Variants in ANKS1B observed in about 807,000 individuals in gnomAD.
The protein encoded by ANKS1B is ankyrin repeat and sterile alpha motif domain containing 1B.
ANKS1B carries 36 observed loss-of-function variants against 148.3 expected under a neutral mutation model. The ratio of observed to expected loss-of-function variants is 0.24; its 90% confidence interval spans 0.19 to 0.32. The LOEUF is 0.32. ANKS1B is among the 10% of genes least tolerant of loss of function. The pLI is 1.00. For missense variants in ANKS1B, 1,157 were observed against 1,542.6 expected (o/e 0.75, Z 4.19); for synonymous variants, 542 against 560.8 (o/e 0.97, Z 0.47).
At chr12:99,498,071 T>C (rs917504213) in intron 10 of ANKS1B, among the ~76,000 whole-genome samples, 1 of 152,212 alleles carries the variant, frequency 6.6e-6, no homozygotes, top group Non-Finnish European at 1.5e-5. Context: ...TACTCCTACA[T>C]GCTTCTCAGC....
At chr12:99,057,720 C>T (rs1401433361) in intron 16 of ANKS1B, among the ~76,000 whole-genome samples, 3 of 150,548 alleles carry the variant, frequency 2.0e-5, no homozygotes, top group Non-Finnish European at 4.5e-5. Flanking sequence ...CAATAGAATG[C>T]GTGAAGTGTC....
chr12:99,243,514 A>C (rs1354471316), intron 14 of ANKS1B, among the ~76,000 whole-genome samples: 1 of 152,248 alleles, frequency 6.6e-6, no homozygotes, highest in African/African-American at 2.4e-5. Flanking sequence ...TGACCCAGCC[A>C]TCCCATTACT....
chr12:99,055,768 A>C (rs1281538132), intron 16 of ANKS1B, among the ~76,000 whole-genome samples: 1 of 152,072 alleles, frequency 6.6e-6, no homozygotes, highest in Admixed American at 6.5e-5. Context: ...GGTTTCAAAT[A>C]AATTGGAACT....
At chr12:99,601,698 A>AGAT (rs1174739334) in intron 9 of ANKS1B, among the ~76,000 whole-genome samples, 1 of 152,122 alleles carries the variant, frequency 6.6e-6, no homozygotes, top group Admixed American at 6.6e-5. Flanking sequence ...TCAGAAATGA[A>AGAT]GATTCAGAGA....
At chr12:99,085,148 C>T in intron 15 of ANKS1B, 125 bp from the exon 16 acceptor site, 2 of 775,272 alleles carry the variant, frequency 2.6e-6, no homozygotes, top group Middle Eastern at 3.4e-4. Flanking sequence ...GACATAGAGT[C>T]ATTCTTCCGT....
intron 14 of ANKS1B, among the ~76,000 whole-genome samples, chr12:99,178,048 T>C (rs2078620933): frequency 6.6e-6 from 1 of 152,196 alleles, no homozygotes; most frequent in Non-Finnish European, 1.5e-5. Flanking sequence ...TGCAGTGTTT[T>C]TCTATTTTTC....
chr12:98,848,407 C>T (rs1567124851), intron 17 of ANKS1B, among the ~76,000 whole-genome samples: 1 of 151,900 alleles, frequency 6.6e-6, no homozygotes, highest in South Asian at 2.1e-4. Context: ...CATAGTGGGC[C>T]CTTGATATCC....
chr12:99,243,995 G>A (rs887644716), intron 14 of ANKS1B, among the ~76,000 whole-genome samples: 3 of 151,588 alleles, frequency 2.0e-5, no homozygotes, highest in African/African-American at 7.3e-5. Context: ...TTGTGCACAT[G>A]TACCCTAGCA....
chr12:99,010,265 T>G (rs986079295), intron 17 of ANKS1B, among the ~76,000 whole-genome samples: 1 of 152,216 alleles, frequency 6.6e-6, no homozygotes, highest in Non-Finnish European at 1.5e-5. Context: ...CTGTGCTTTT[T>G]TCTTCATTTA....
At chr12:98,793,380 A>T (rs2098910365) in intron 22 of ANKS1B, among the ~76,000 whole-genome samples, 1 of 152,204 alleles carries the variant, frequency 6.6e-6, no homozygotes, top group Admixed American at 6.5e-5. Flanking sequence ...TAAGACCTGA[A>T]ACCACTAGAA....
At position 99,361,189 on chromosome 12, in the gene ANKS1B, A is replaced by G. The variant is rs117003941; in HGVS notation, c.1756+38442T>C. ...TGGATACCTCATTCTTTATGATGTAATTATTTCCCATTGCATGACTGTATC... is the reference window on the plus strand; with the variant it reads ...TGGATACCTCATTCTTTATGATGTAGTTATTTCCCATTGCATGACTGTATC... On this transcript the variant is annotated intron_variant, in intron 12 of 26. Coordinates refer to ENST00000683438, the MANE Select transcript of ANKS1B (RefSeq NM_001352186.2). Among the ~76,000 whole-genome samples the G allele has an allele frequency of 4.7e-4, 72 of 152,220 alleles. No homozygotes were observed. The East Asian group carries it at 0.013, about 28-fold the overall frequency.
chr12:99,032,646 A>G (rs1009929981), intron 17 of ANKS1B, among the ~76,000 whole-genome samples: 2 of 152,206 alleles, frequency 1.3e-5, no homozygotes, highest in Admixed American at 6.5e-5. Context: ...GGTCACATTC[A>G]CAGGTTCTAC....
At chr12:98,990,952 C>T (rs1027730912) in intron 17 of ANKS1B, among the ~76,000 whole-genome samples, 1 of 152,138 alleles carries the variant, frequency 6.6e-6, no homozygotes, top group Non-Finnish European at 1.5e-5. Flanking sequence ...GTGAGGTATC[C>T]AGATCTGCAC....
chr12:99,347,455 G>A (rs1377492160), intron 12 of ANKS1B, among the ~76,000 whole-genome samples: 1 of 151,994 alleles, frequency 6.6e-6, no homozygotes, highest in Non-Finnish European at 1.5e-5. Flanking sequence ...GTGAAAGCAG[G>A]AAATGAAGTT....
intron 9 of ANKS1B, among the ~76,000 whole-genome samples, chr12:99,568,934 T>TA (rs1434142263): frequency 1.3e-5 from 2 of 152,218 alleles, no homozygotes; most frequent in African/African-American, 2.4e-5. Context: ...GAATAATAGT[T>TA]ACAATGATTC....
chr12:99,106,039 A>C (rs113243227), intron 15 of ANKS1B, among the ~76,000 whole-genome samples: 2 of 152,288 alleles, frequency 1.3e-5, no homozygotes, highest in African/African-American at 4.8e-5. Flanking sequence ...TCCCTTAGAC[A>C]GTCTGTGACA....
At chr12:99,394,973 A>G (rs531201632) in intron 12 of ANKS1B, among the ~76,000 whole-genome samples, 4 of 152,124 alleles carry the variant, frequency 2.6e-5, no homozygotes, top group Non-Finnish European at 4.4e-5. Flanking sequence ...ATTCATTCTT[A>G]CAGTTGTTAA....
At chr12:99,066,766 G>A (rs988003934) in intron 16 of ANKS1B, among the ~76,000 whole-genome samples, 7 of 152,192 alleles carry the variant, frequency 4.6e-5, no homozygotes, top group Admixed American at 2.0e-4. Flanking sequence ...GTATCTTGAC[G>A]GTAGACCAGC....
At chr12:99,309,097 A>G (rs1025033439) in intron 12 of ANKS1B, among the ~76,000 whole-genome samples, 13 of 151,624 alleles carry the variant, frequency 8.6e-5, no homozygotes, top group South Asian at 8.3e-4. Flanking sequence ...TAGGTTTTCT[A>G]TGGTTGCAAC....
Sources: allele counts gnomAD v4.1 joint callset (sites outside exome capture counted in the v4.1 genomes callset), GRCh38; gene constraint gnomAD v4.1.1; transcripts MANE v1.5; gene names NCBI Gene and HGNC (gene_info 2026-07-23, HGNC 2026-07-21).